The following SLX4IP variants were observed in gnomAD, a reference collection of about 807,000 sequenced individuals.
The protein encoded by SLX4IP is protein SLX4IP.
SLX4IP carries 34 observed loss-of-function variants against 32.9 expected under a neutral mutation model. The observed-to-expected ratio is 1.03, with a 90% CI of 0.79 to 1.38. The LOEUF (loss-of-function observed/expected upper bound fraction) is 1.38. Among genes scored for constraint, SLX4IP ranks in the 40% most tolerant of loss-of-function variants. The pLI, the probability that SLX4IP is intolerant of heterozygous loss-of-function variation, is 0.00. For synonymous variants in SLX4IP, 172 were observed against 171.7 expected, an observed-to-expected ratio of 1.00 and a Z score of -0.01; for missense variants, 444 against 479.0, an observed-to-expected ratio of 0.93 and a Z score of 0.68.
At chr20:10,502,333 C>T (rs2065726282) in intron 2 of SLX4IP, among the ~76,000 whole-genome samples, 1 of 152,200 alleles carries the variant, frequency 6.6e-6, no homozygotes, top group Admixed American at 6.5e-5. Flanking sequence ...TACATAGCAG[C>T]AGAGGATCCT....
intron 4 of SLX4IP, among the ~76,000 whole-genome samples, chr20:10,578,066 T>A (rs575574021): frequency 3.3e-5 from 5 of 152,342 alleles, no homozygotes; most frequent in East Asian, 1.9e-4. Flanking sequence ...CTCATTTTTT[T>A]AATAACAGCT....
At chr20:10,554,897 C>A (rs2066251921) in intron 2 of SLX4IP, among the ~76,000 whole-genome samples, 1 of 151,754 alleles carries the variant, frequency 6.6e-6, no homozygotes, top group Admixed American at 6.6e-5. Flanking sequence ...CTGTAACATA[C>A]CTATTTATTT....
At chr20:10,492,650 A>G (rs2065633748) in intron 2 of SLX4IP, among the ~76,000 whole-genome samples, 1 of 152,176 alleles carries the variant, frequency 6.6e-6, no homozygotes. Flanking sequence ...TTTAAATTCT[A>G]ATATGGACTG....
chr20:10,488,540 A>AG (rs1568705738), intron 2 of SLX4IP, among the ~76,000 whole-genome samples: 1 of 152,166 alleles, frequency 6.6e-6, no homozygotes, highest in Non-Finnish European at 1.5e-5. Context: ...TCATAGCCTC[A>AG]GGAAGCAAAT....
intron 2 of SLX4IP, among the ~76,000 whole-genome samples, chr20:10,533,409 T>G (rs1443709196): frequency 6.6e-6 from 1 of 152,048 alleles, no homozygotes; most frequent in African/African-American, 2.4e-5. Flanking sequence ...GCTCAAGTGA[T>G]TCTCCTGCAT....
At position 10,539,940 on chromosome 20, in the gene SLX4IP, G is replaced by A. The variant is rs181729017; in HGVS notation, c.28-16291G>A. Reference sequence around the variant, plus strand: ...CTAGGCCAGTGAATCTCAAAGTGTGGTCTCTAGACCAGCAGCATCAGCATC... The same window carrying A: ...CTAGGCCAGTGAATCTCAAAGTGTGATCTCTAGACCAGCAGCATCAGCATC... On this transcript the variant is annotated intron_variant, in intron 2 of 7. Coordinates refer to ENST00000334534, the MANE Select transcript of SLX4IP (RefSeq NM_001009608.3). 5.1e-4 allele frequency among the ~76,000 whole-genome samples: 77 copies of A among 152,324 alleles called. 1 individual carries two copies. In the East Asian group the frequency reaches 0.013, roughly 25 times the overall value.
In SLX4IP at chr20:10,458,834, T is replaced by C. The variant is rs148010485; in HGVS notation, c.27+603T>C. Among the ~76,000 whole-genome samples, 1,343 of 152,332 alleles carry C rather than the reference T, an allele frequency of 8.8e-3. 25 individuals carry two copies. Among genetic ancestry groups the C allele is most frequent in the African/African-American group, 0.031 (1,290 of 41,570 alleles). On this transcript the variant is annotated intron_variant, in intron 2 of 7. Transcript: ENST00000334534. ...GCTGCAATGAACATACGCATGCATG[T>C]TTCTTTATAATAGAATGATTTATAT...
At chr20:10,539,498 TA>T (rs879928418) in intron 2 of SLX4IP, among the ~76,000 whole-genome samples, 324 of 143,482 alleles carry the variant, frequency 2.3e-3, no homozygotes, top group Middle Eastern at 3.5e-3. Flanking sequence ...TTTGGTTTGT[TA>T]AAAAAAAAAA....
chr20:10,611,189 T>A (rs1156644084), intron 6 of SLX4IP, among the ~76,000 whole-genome samples: 2 of 152,226 alleles, frequency 1.3e-5, no homozygotes, highest in Admixed American at 6.5e-5. Flanking sequence ...ACACTTTTAA[T>A]CTGCTTTTAT....
chr20:10,534,798 C>T (rs1454288277), intron 2 of SLX4IP, among the ~76,000 whole-genome samples: 1 of 152,146 alleles, frequency 6.6e-6, no homozygotes, highest in Non-Finnish European at 1.5e-5. Context: ...TGTAGGTTAT[C>T]ATGTACTTGT....
chr20:10,469,504 A>G (rs1417842697), intron 2 of SLX4IP, among the ~76,000 whole-genome samples: 1 of 152,200 alleles, frequency 6.6e-6, no homozygotes, highest in African/African-American at 2.4e-5. Context: ...TTGTCTAGAC[A>G]TTATATTTTA....
intron 2 of SLX4IP, among the ~76,000 whole-genome samples, chr20:10,520,425 G>C (rs1014875602): frequency 6.6e-6 from 1 of 152,154 alleles, no homozygotes; most frequent in African/African-American, 2.4e-5. Flanking sequence ...ATTCTGATCA[G>C]GTATATGATT....
chr20:10,454,488 C>G (rs2065269350), intron 1 of SLX4IP, among the ~76,000 whole-genome samples: 1 of 152,172 alleles, frequency 6.6e-6, no homozygotes, highest in African/African-American at 2.4e-5. Context: ...GTTTTCCAGA[C>G]TAGAGATCCT....
In SLX4IP at chr20:10,482,308, G is replaced by A. The variant is rs188483928; in HGVS notation, c.27+24077G>A. ...TGTGCCTTTTTGCATTGTGCTTTTG[G>A]TAGAATCACAGTGAAAGCCATGCCA... On this transcript the variant is annotated intron_variant, in intron 2 of 7. Transcript: ENST00000334534. Among the ~76,000 whole-genome samples, 11 of 152,264 alleles carry A rather than the reference G, an allele frequency of 7.2e-5. No individual in the cohort carries two copies. In the South Asian group the frequency reaches 1.5e-3, roughly 20 times the overall value.
intron 1 of SLX4IP, among the ~76,000 whole-genome samples, chr20:10,451,272 T>C (rs1225566109): frequency 2.6e-5 from 4 of 152,012 alleles, no homozygotes; most frequent in Non-Finnish European, 4.4e-5. Flanking sequence ...GCGATTCTCC[T>C]GCCTCAGCCT....
At chr20:10,622,525 G>C (rs948189852) in intron 7 of SLX4IP, 134 bp from the exon 8 acceptor site, 11 of 1,291,994 alleles carry the variant, frequency 8.5e-6, no homozygotes, top group Non-Finnish European at 1.1e-5. Flanking sequence ...AGTGTTTCCA[G>C]ATTTGCTGGG....
chr20:10,495,153 T>C (rs1311542515), intron 2 of SLX4IP, among the ~76,000 whole-genome samples: 2 of 152,114 alleles, frequency 1.3e-5, no homozygotes, highest in African/African-American at 2.4e-5. Context: ...GTAAAATATA[T>C]CTAAGAGTCA....
intron 2 of SLX4IP, among the ~76,000 whole-genome samples, chr20:10,461,999 G>A (rs915455757): frequency 1.3e-5 from 2 of 152,020 alleles, no homozygotes; most frequent in Non-Finnish European, 2.9e-5. Context: ...AAAAAGGAAG[G>A]TATTACATAT....
chr20:10,523,991 G>A (rs951222753), intron 2 of SLX4IP, among the ~76,000 whole-genome samples: 3 of 152,232 alleles, frequency 2.0e-5, no homozygotes, highest in African/African-American at 7.2e-5. Context: ...GTCTGACAGG[G>A]ACCTGCAAGG....
Sources: allele counts gnomAD v4.1 joint callset (sites outside exome capture counted in the v4.1 genomes callset), GRCh38; gene constraint gnomAD v4.1.1; transcripts MANE v1.5; gene names NCBI Gene and HGNC (gene_info 2026-07-23, HGNC 2026-07-21).